Variants in BTG4 observed in about 807,000 individuals in gnomAD.
BTG4 encodes the protein protein BTG4.
Under a neutral mutation model 19.3 loss-of-function variants are expected in BTG4, and 10 were observed. That is an observed-to-expected ratio of 0.52 (90% CI 0.32 to 0.88). The LOEUF (loss-of-function observed/expected upper bound fraction) is 0.88. Among genes scored for constraint, BTG4 ranks in the 40% least tolerant of loss-of-function variants. The probability of loss-of-function intolerance (pLI) is 0.04; values close to 1 mark genes in which losing one functional copy is unlikely to be tolerated. For missense variants in BTG4, 238 were observed against 281.9 expected, an observed-to-expected ratio of 0.84 and a Z score of 1.11; for synonymous variants, 91 against 95.7, an observed-to-expected ratio of 0.95 and a Z score of 0.29.
the BTG4 span, among the ~76,000 whole-genome samples, chr11:111,427,869 A>G: frequency 6.6e-6 from 1 of 152,188 alleles, no homozygotes; most frequent in Non-Finnish European, 1.5e-5. Flanking sequence ...GAATATGACA[A>G]TAGAGTGACA....
At chr11:111,388,093 G>A in the BTG4 span, among the ~76,000 whole-genome samples, 1 of 152,174 alleles carries the variant, frequency 6.6e-6, no homozygotes, top group Non-Finnish European at 1.5e-5. Flanking sequence ...AGGTAAGAAA[G>A]TCCCTATGCT....
At chr11:111,487,778 A>C (rs1865155911) in intron 5 of BTG4, among the ~76,000 whole-genome samples, 1 of 152,226 alleles carries the variant, frequency 6.6e-6, no homozygotes, top group Non-Finnish European at 1.5e-5. Flanking sequence ...GGATATAAAA[A>C]TCAACATACA....
the BTG4 span, among the ~76,000 whole-genome samples, chr11:111,407,175 G>A: frequency 1.4e-5 from 2 of 147,820 alleles, no homozygotes; most frequent in African/African-American, 4.9e-5. Context: ...ATAATACTAT[G>A]TAGTATATAT....
chr11:111,442,765 A>G, the BTG4 span, among the ~76,000 whole-genome samples: 1 of 152,158 alleles, frequency 6.6e-6, no homozygotes, highest in Non-Finnish European at 1.5e-5. Flanking sequence ...CTATAAGTCC[A>G]TATTGATATA....
the BTG4 span, chr11:111,450,424 C>G: frequency 3.9e-5 from 6 of 152,748 alleles, no homozygotes; most frequent in East Asian, 5.8e-4. Context: ...GTCTGTCCCC[C>G]TCTATGTGGT....
chr11:111,475,264 G>A (rs928468827), intron 5 of BTG4: 1 of 152,252 alleles, frequency 6.6e-6, no homozygotes, highest in Non-Finnish European at 1.5e-5. Flanking sequence ...TATAATAGGG[G>A]CTAATATTTG....
the BTG4 span, among the ~76,000 whole-genome samples, chr11:111,439,157 C>G: frequency 2.0e-5 from 3 of 152,262 alleles, no homozygotes; most frequent in Non-Finnish European, 2.9e-5. Flanking sequence ...GCCACTCAAA[C>G]AGCAGAGCCT....
chr11:111,396,126 G>A, the BTG4 span, among the ~76,000 whole-genome samples: 16 of 152,326 alleles, frequency 1.1e-4, no homozygotes, highest in African/African-American at 3.8e-4. Context: ...GAGCAATTCA[G>A]AGCCAATGTC....
At chr11:111,497,645 T>G (rs1421241961) in intron 3 of BTG4, among the ~76,000 whole-genome samples, 1 of 152,232 alleles carries the variant, frequency 6.6e-6, no homozygotes, top group East Asian at 1.9e-4. Context: ...GTTAATGAAC[T>G]GAATTGTCCC....
At chr11:111,424,008 C>G in the BTG4 span, among the ~76,000 whole-genome samples, 1 of 152,256 alleles carries the variant, frequency 6.6e-6, no homozygotes, top group East Asian at 1.9e-4. Flanking sequence ...GAACCACCAC[C>G]ACCAGTGGTG....
chr11:111,413,252 CT>C, the BTG4 span, among the ~76,000 whole-genome samples: 5 of 152,314 alleles, frequency 3.3e-5, no homozygotes, highest in Admixed American at 2.6e-4. Flanking sequence ...CCTTTTATAC[CT>C]TGCTACTTAA....
In BTG4 at chr11:111,504,776, G is replaced by A. The variant is rs540948080; in HGVS notation, c.-26-5974C>T. Among the ~76,000 whole-genome samples, 4 of 152,042 alleles carry A rather than the reference G, an allele frequency of 2.6e-5. No individual in the cohort carries two copies. The South Asian group carries it at 8.3e-4, about 32-fold the overall frequency. On this transcript the variant is annotated intron_variant, in intron 1 of 4. Transcript: ENST00000692032. The stretch of plus-strand genomic sequence containing the variant: ...GATTAACAACTTCAGTAAAGTCTCA[G>A]GATACAAAATCAATGTACAAAAATC...
At chr11:111,475,548 T>C (rs985887135) in intron 5 of BTG4, among the ~76,000 whole-genome samples, 1 of 152,098 alleles carries the variant, frequency 6.6e-6, no homozygotes, top group East Asian at 1.9e-4. Flanking sequence ...GAGGCCCTGG[T>C]TGAAACACCA....
chr11:111,438,854 C>T, the BTG4 span, among the ~76,000 whole-genome samples: 5 of 152,236 alleles, frequency 3.3e-5, no homozygotes, highest in South Asian at 4.1e-4. Flanking sequence ...CCTAACTGGA[C>T]ACTGTCTTAG....
chr11:111,454,874 G>A, the BTG4 span: 3 of 414,216 alleles, frequency 7.2e-6, no homozygotes, highest in East Asian at 2.2e-4. Flanking sequence ...CCAGCTGTTG[G>A]CAGCAGGGGG....
In BTG4 at chr11:111,495,134, G is replaced by A. The variant is rs115316165; in HGVS notation, c.*1C>T. On this transcript the variant is annotated 3_prime_UTR_variant, in exon 5 of 5. Transcript: ENST00000692032. ...TGCCCACCACGTGCCCAGTCGCTGC[G>A]TCATCGGTGTGTGTTGACCCAGTGG... 2.2e-3 allele frequency: 3,401 copies of A among 1,530,918 alleles called. 58 individuals carry two copies. In the African/African-American group the frequency reaches 0.04, roughly 18 times the overall value. The allele number at this position is 1,530,918 out of a possible 1,614,324, so 94.8% of individuals were successfully genotyped here. A position where few individuals can be genotyped will look rare whatever the true frequency, so the allele number is the denominator to read the frequency against.
rs147361149 is a variant in BTG4, at chr11:111,510,568, G to A, written c.-27+1613C>T. Among the ~76,000 whole-genome samples the A allele has an allele frequency of 2.5e-3, 381 of 152,152 alleles. 3 individuals are homozygous for A. The highest frequency in any genetic ancestry group is 8.9e-3 in the African/African-American group (368 of 41,524). ...GCATGCCTAGACATGAACCATAAAG[G>A]GAATGAGATCCTTGGAGTTTCTCTA... On this transcript the variant is annotated intron_variant, in intron 1 of 4. Coordinates refer to ENST00000692032, the MANE Select transcript of BTG4 (RefSeq NM_001367975.1).
intron 1 of BTG4, among the ~76,000 whole-genome samples, chr11:111,509,525 T>A (rs1866710156): frequency 6.6e-6 from 1 of 151,830 alleles, no homozygotes; most frequent in African/African-American, 2.4e-5. Flanking sequence ...TGAAACCCCA[T>A]CTCTACTAAA....
At chr11:111,442,258 T>C in the BTG4 span, among the ~76,000 whole-genome samples, 1,043 of 150,852 alleles carry the variant, frequency 6.9e-3, 11 homozygotes, top group African/African-American at 0.024. Flanking sequence ...CCCAGCAATT[T>C]GGGAGGTCGA....
Sources: allele counts gnomAD v4.1 joint callset (sites outside exome capture counted in the v4.1 genomes callset), GRCh38; gene constraint gnomAD v4.1.1; transcripts MANE v1.5; gene names NCBI Gene and HGNC (gene_info 2026-07-23, HGNC 2026-07-21).